The following UBR3 variants were observed in gnomAD, a reference collection of about 807,000 sequenced individuals.
UBR3 encodes the protein ubiquitin protein ligase E3 component n-recognin 3, also known as E3 ubiquitin-protein ligase UBR3.
In UBR3, 85 loss-of-function variants were observed where a neutral mutation model predicts 243.2. The observed-to-expected ratio is 0.35, with a 90% CI of 0.29 to 0.42. The LOEUF (loss-of-function observed/expected upper bound fraction) is 0.42. Among genes scored for constraint, UBR3 ranks in the 10% least tolerant of loss-of-function variants. UBR3 has a pLI of 1.00. For missense variants in UBR3, 1,686 were observed against 2,300.8 expected (o/e 0.73, Z 5.47); for synonymous variants, 748 against 799.8 (o/e 0.94, Z 1.09).
chr2:170,015,669 T>C (rs1436777374), intron 30 of UBR3, among the ~76,000 whole-genome samples: 1 of 151,908 alleles, frequency 6.6e-6, no homozygotes, highest in Non-Finnish European at 1.5e-5. Flanking sequence ...TTAAAGAATT[T>C]TTACATTGAA....
At chr2:169,939,188 G>C (rs1332548282) in intron 19 of UBR3, among the ~76,000 whole-genome samples, 2 of 151,366 alleles carry the variant, frequency 1.3e-5, no homozygotes, top group East Asian at 3.9e-4. Context: ...TAAGAACCAA[G>C]TTTTGATTGT....
intron 24 of UBR3, 142 bp from the exon 25 acceptor site, chr2:169,986,503 T>C: frequency 1.5e-6 from 1 of 655,524 alleles, no homozygotes; most frequent in Non-Finnish European, 2.4e-6. Flanking sequence ...TTGAGTAAGG[T>C]TATTTTTTCC....
At chr2:170,019,459 A>T (rs1185397418) in intron 30 of UBR3, among the ~76,000 whole-genome samples, 1 of 152,094 alleles carries the variant, frequency 6.6e-6, no homozygotes, top group Non-Finnish European at 1.5e-5. Context: ...TGAGGTTGGG[A>T]GGATCGCTTG....
intron 5 of UBR3, among the ~76,000 whole-genome samples, chr2:169,881,878 G>GTATATGTGTATATGTATACATATAT (rs1559053468): frequency 2.3e-5 from 3 of 129,208 alleles, no homozygotes; most frequent in Admixed American, 1.7e-4. Flanking sequence ...TATACATATA[G>GTATATGTGTATATGTATACATATAT]GTATATGTGT....
At chr2:170,061,035 A>T in intron 33 of UBR3, 44 bp from the exon 34 acceptor site, 1 of 1,280,342 alleles carries the variant, frequency 7.8e-7, no homozygotes, top group Non-Finnish European at 1.1e-6. Flanking sequence ...TAAATTTTTT[A>T]TAATTTTCAG....
At chr2:169,842,053 C>A (rs1426684823) in intron 1 of UBR3, among the ~76,000 whole-genome samples, 6 of 152,214 alleles carry the variant, frequency 3.9e-5, no homozygotes, top group African/African-American at 1.4e-4. Flanking sequence ...TGTAAATACA[C>A]CAATCAGCAC....
intron 26 of UBR3, among the ~76,000 whole-genome samples, chr2:169,996,260 C>A (rs1453672093): frequency 6.6e-6 from 1 of 152,120 alleles, no homozygotes; most frequent in East Asian, 1.9e-4. Flanking sequence ...TAGAAAGAGT[C>A]CTAGACCAGA....
chr2:169,948,352 G>A (rs1222524091), intron 22 of UBR3, among the ~76,000 whole-genome samples: 2 of 151,256 alleles, frequency 1.3e-5, no homozygotes, highest in Non-Finnish European at 3.0e-5. Context: ...TTGCTTCTAT[G>A]GCAATTAACT....
chr2:169,915,027 C>T (rs2085405223), intron 11 of UBR3, among the ~76,000 whole-genome samples: 1 of 152,078 alleles, frequency 6.6e-6, no homozygotes, highest in Admixed American at 6.5e-5. Context: ...TTCCTACAAA[C>T]AAGGATATTT....
At chr2:170,074,101 C>T (rs11894035) in intron 36 of UBR3, among the ~76,000 whole-genome samples, 22,736 of 151,970 alleles carry the variant, frequency 0.15, 1,897 homozygotes, top group Admixed American at 0.21. Context: ...GTTGGAGTCT[C>T]AGAATTCTAG....
chr2:169,991,112 CAAAG>C (rs1459425397), intron 25 of UBR3, among the ~76,000 whole-genome samples: 1 of 151,830 alleles, frequency 6.6e-6, no homozygotes, highest in Non-Finnish European at 1.5e-5. Flanking sequence ...TTACAAGAGA[CAAAG>C]AAGGAGATTA....
At chr2:169,830,786 T>G (rs2081906822) in intron 1 of UBR3, among the ~76,000 whole-genome samples, 2 of 152,064 alleles carry the variant, frequency 1.3e-5, no homozygotes, top group Admixed American at 1.3e-4. Flanking sequence ...TATTTAGACA[T>G]TTTTACTTCT....
At chr2:170,041,078 C>T in intron 32 of UBR3, 93 bp downstream of exon 32, 1 of 1,266,934 alleles carries the variant, frequency 7.9e-7, no homozygotes, top group Non-Finnish European at 1.1e-6. Context: ...TGTGGTGGCT[C>T]ATGCTTGTAA....
chr2:170,054,585 C>T (rs986576127), intron 32 of UBR3, among the ~76,000 whole-genome samples: 2 of 151,990 alleles, frequency 1.3e-5, no homozygotes, highest in Non-Finnish European at 2.9e-5. Flanking sequence ...CCTGGCCACA[C>T]CCAGCTATTT....
intron 32 of UBR3, among the ~76,000 whole-genome samples, chr2:170,054,823 T>A (rs2091298325): frequency 6.6e-6 from 1 of 152,204 alleles, no homozygotes; most frequent in African/African-American, 2.4e-5. Flanking sequence ...ATTGAGCATG[T>A]GAAGCCCAGG....
chr2:169,896,453 TAAATTAA>T (rs1394755271), intron 7 of UBR3, 47 bp from the exon 8 acceptor site: 1 of 1,160,102 alleles, frequency 8.6e-7, no homozygotes, highest in African/African-American at 1.6e-5. Context: ...AAAATGATTT[TAAATTAA>T]AAATTAAAAC....
At chr2:169,899,771 A>C (rs1330643434) in intron 8 of UBR3, among the ~76,000 whole-genome samples, 1 of 151,736 alleles carries the variant, frequency 6.6e-6, no homozygotes, top group Non-Finnish European at 1.5e-5. Context: ...TGTCCTTGTG[A>C]TAGTTTGCTG....
chr2:169,911,509 CTAGT>C (rs1362811087), intron 10 of UBR3, among the ~76,000 whole-genome samples: 1 of 152,046 alleles, frequency 6.6e-6, no homozygotes, highest in Non-Finnish European at 1.5e-5. Flanking sequence ...GGTCATAAAA[CTAGT>C]AAGTTAGCAT....
chr2:169,956,331 C>A lies in UBR3; in HGVS notation c.3546-2107C>A, dbSNP rs1420523124. 2.7e-5 allele frequency among the ~76,000 whole-genome samples: 4 copies of A among 149,182 alleles called. No individual in the cohort carries two copies. In the East Asian group the frequency reaches 7.9e-4, roughly 29 times the overall value. ...ATATATATATAACTTTTTTAAAAATCAACTCCCTTATATATAACCACTTTC... is the reference window on the plus strand; with the variant it reads ...ATATATATATAACTTTTTTAAAAATAAACTCCCTTATATATAACCACTTTC... On this transcript the variant is annotated intron_variant, in intron 23 of 38. Coordinates refer to ENST00000272793, the MANE Select transcript of UBR3 (RefSeq NM_172070.4).
Sources: allele counts gnomAD v4.1 joint callset (sites outside exome capture counted in the v4.1 genomes callset), GRCh38; gene constraint gnomAD v4.1.1; transcripts MANE v1.5; gene names NCBI Gene and HGNC (gene_info 2026-07-23, HGNC 2026-07-21).